FBXO33: variants seen among roughly 807,000 people sequenced by gnomAD.
The protein encoded by FBXO33 is F-box protein 33, also known as F-box only protein 33.
Under a neutral mutation model 46.3 loss-of-function variants are expected in FBXO33, and 22 were observed. The observed-to-expected ratio is 0.48, with a 90% CI of 0.34 to 0.68. The LOEUF (loss-of-function observed/expected upper bound fraction) is 0.68. Ranked by LOEUF, FBXO33 falls within the 30% of genes least tolerant of loss-of-function variation. The probability of loss-of-function intolerance (pLI) is 0.01; values close to 1 mark genes in which losing one functional copy is unlikely to be tolerated. For missense variants in FBXO33, 692 were observed against 708.8 expected, an observed-to-expected ratio of 0.98 and a Z score of 0.27; for synonymous variants, 337 against 291.3, an observed-to-expected ratio of 1.16 and a Z score of -1.60.
intron 1 of FBXO33, among the ~76,000 whole-genome samples, chr14:39,417,224 C>T (rs1262127383): frequency 6.6e-6 from 1 of 152,252 alleles, no homozygotes; most frequent in African/African-American, 2.4e-5. Context: ...TCAGTTGTTT[C>T]AGGCATCTGG....
At chr14:39,402,922 T>C (rs2075375610) in intron 1 of FBXO33, among the ~76,000 whole-genome samples, 1 of 152,070 alleles carries the variant, frequency 6.6e-6, no homozygotes, top group Non-Finnish European at 1.5e-5. Context: ...ACAGGAGAAG[T>C]GGCATAAGCT....
At position 39,432,180 on chromosome 14, in the gene FBXO33, G is replaced by A; in HGVS notation, c.-18C>T. The A allele has an allele frequency of 8.2e-7, 1 of 1,224,930 alleles. No individual in the cohort carries two copies. The highest frequency in any genetic ancestry group is 3.2e-5 in the East Asian group (1 of 31,028). The allele number at this position is 1,224,930 out of a possible 1,614,324, so 75.9% of individuals were successfully genotyped here. On this transcript the variant is annotated 5_prime_UTR_variant, in exon 1 of 4. Coordinates refer to ENST00000298097, the MANE Select transcript of FBXO33 (RefSeq NM_203301.4). ...AACAACATCAATGACTAGGAAGAAG[G>A]GGGCGGAACCGTCGTGGGTCTCGGC...
intron 1 of FBXO33, among the ~76,000 whole-genome samples, chr14:39,431,147 G>A (rs1388865806): frequency 6.6e-6 from 1 of 152,170 alleles, no homozygotes; most frequent in Non-Finnish European, 1.5e-5. Context: ...CCCTCACCAT[G>A]AACTATTTCT....
chr14:39,402,677 ATTTTTTTT>A (rs58903755), intron 1 of FBXO33, among the ~76,000 whole-genome samples, 166 bp from the exon 2 acceptor site: 3 of 83,114 alleles, frequency 3.6e-5, no homozygotes, highest in Admixed American at 1.5e-4. Context: ...ATATATTCAG[ATTTTTTTT>A]TTTTTTTTTT....
At chr14:39,423,399 T>C (rs2075494804) in intron 1 of FBXO33, among the ~76,000 whole-genome samples, 2 of 152,216 alleles carry the variant, frequency 1.3e-5, no homozygotes, top group African/African-American at 4.8e-5. Flanking sequence ...GTATACGGTA[T>C]GATCCAGAAA....
chr14:39,403,611 CA>C (rs2075378907), intron 1 of FBXO33, among the ~76,000 whole-genome samples: 1 of 151,982 alleles, frequency 6.6e-6, no homozygotes, highest in Non-Finnish European at 1.5e-5. Flanking sequence ...ATTTTAGCTA[CA>C]AAACATATAG....
intron 1 of FBXO33, among the ~76,000 whole-genome samples, chr14:39,428,179 T>C (rs2075525037): frequency 6.6e-6 from 1 of 152,152 alleles, no homozygotes; most frequent in Non-Finnish European, 1.5e-5. Context: ...ACAAAATTTC[T>C]CTGGTCTGTT....
intron 1 of FBXO33, among the ~76,000 whole-genome samples, chr14:39,409,077 A>G (rs974852074): frequency 1.3e-5 from 2 of 151,962 alleles, no homozygotes; most frequent in Non-Finnish European, 2.9e-5. Context: ...CCTTTTCTGT[A>G]CAGAGCTTTT....
At chr14:39,427,699 G>A (rs1484064012) in intron 1 of FBXO33, among the ~76,000 whole-genome samples, 3 of 152,138 alleles carry the variant, frequency 2.0e-5, no homozygotes, top group Non-Finnish European at 4.4e-5. Context: ...AGCACCTTAG[G>A]AGGCAGAAAT....
intron 1 of FBXO33, among the ~76,000 whole-genome samples, chr14:39,423,467 G>A (rs1027367920): frequency 6.6e-6 from 1 of 152,030 alleles, no homozygotes; most frequent in African/African-American, 2.4e-5. Context: ...CTAAAAAGAA[G>A]TGCACAAATA....
At chr14:39,423,831 A>G (rs2075497482) in intron 1 of FBXO33, among the ~76,000 whole-genome samples, 2 of 152,158 alleles carry the variant, frequency 1.3e-5, no homozygotes, top group Admixed American at 1.3e-4. Context: ...AATAACTTTT[A>G]TTTTAGAATC....
chr14:39,400,491 C>T (rs1447236254), intron 3 of FBXO33, among the ~76,000 whole-genome samples: 3 of 151,916 alleles, frequency 2.0e-5, no homozygotes, highest in Admixed American at 2.0e-4. Context: ...TTTCTGCTAC[C>T]TCTGATGACT....
rs2075443825 is a variant in FBXO33 at position 39,415,514 on chromosome 14, T to A, written c.600-13003A>T. 2.0e-5 allele frequency among the ~76,000 whole-genome samples: 3 copies of A among 152,180 alleles called. 1 individual carries two copies. The South Asian group carries it at 6.2e-4, about 31-fold the overall frequency. On this transcript the variant is annotated intron_variant, in intron 1 of 3. Coordinates refer to ENST00000298097, the MANE Select transcript of FBXO33 (RefSeq NM_203301.4). ...GTGTTTTTGCTGTATGATTACCATG[T>A]GGTATATATAATAGTGCATTTTAAG...
intron 1 of FBXO33, among the ~76,000 whole-genome samples, chr14:39,411,069 GT>G (rs2075419640): frequency 6.6e-6 from 1 of 151,954 alleles, no homozygotes; most frequent in African/African-American, 2.4e-5. Flanking sequence ...ATTCATTAGG[GT>G]TTAAAGTTAC....
intron 1 of FBXO33, among the ~76,000 whole-genome samples, chr14:39,420,407 C>T (rs772606348): frequency 1.2e-4 from 18 of 152,078 alleles, no homozygotes; most frequent in Admixed American, 2.6e-4. Context: ...CAGAAGAAAG[C>T]GGCTGGGCGC....
chr14:39,404,417 C>T (rs550067582), intron 1 of FBXO33, among the ~76,000 whole-genome samples: 1 of 152,272 alleles, frequency 6.6e-6, no homozygotes, highest in South Asian at 2.1e-4. Context: ...AGCTCCGCCT[C>T]CCGGGTTCAT....
intron 1 of FBXO33, among the ~76,000 whole-genome samples, chr14:39,416,157 T>C (rs1441506873): frequency 6.6e-6 from 1 of 152,248 alleles, no homozygotes; most frequent in African/African-American, 2.4e-5. Flanking sequence ...AAGGCAGTTC[T>C]AGAAATGATT....
In FBXO33 at chr14:39,401,250, C is replaced by G; in HGVS notation, c.1322G>C (p.Ser441Thr). The part of the protein sequence containing the change: ...VIDTSGFPDL[S>T]DNRNEDPLVL... ...CAACGGATCTTCATTTCGGTTGTCA[C>G]TAAGATCTGGAAAACCAGATGTGTC... The change falls in exon 3 of 4, where the codon AGT (serine) becomes ACT (threonine). Residue 441 changes from serine to threonine, a missense_variant. Physicochemically the swap from Ser to Thr is moderately conservative, Grantham distance 58 (BLOSUM62 1). Transcript: ENST00000298097. The G allele has an allele frequency of 6.2e-7, 1 of 1,613,732 alleles. No homozygotes were observed. Among genetic ancestry groups the G allele is most frequent in the Non-Finnish European group, 8.5e-7 (1 of 1,179,902 alleles).
chr14:39,404,267 T>C (rs531577385), intron 1 of FBXO33, among the ~76,000 whole-genome samples: 3 of 152,254 alleles, frequency 2.0e-5, no homozygotes. Context: ...GTGCTACATA[T>C]CATGGGCATA....
Sources: gnomAD v4.1 joint callset for allele counts (sites outside exome capture counted in the v4.1 genomes callset) on GRCh38, gnomAD v4.1.1 for gene constraint, MANE v1.5 for transcripts, NCBI Gene and HGNC (gene_info 2026-07-23, HGNC 2026-07-21) for gene names.